The following SLC25A21 variants were observed in gnomAD, a reference collection of about 807,000 sequenced individuals.
SLC25A21 encodes solute carrier family 25 member 21, also known as mitochondrial 2-oxodicarboxylate carrier.
Under a neutral mutation model 43.8 loss-of-function variants are expected in SLC25A21, and 47 were observed. The ratio of observed to expected loss-of-function variants is 1.07; its 90% confidence interval spans 0.85 to 1.37. The LOEUF (loss-of-function observed/expected upper bound fraction) is 1.37. SLC25A21 is among the 40% of genes most tolerant of loss of function. The probability of loss-of-function intolerance (pLI) is 0.00; values close to 1 mark genes in which losing one functional copy is unlikely to be tolerated. For missense variants in SLC25A21, 352 were observed against 350.2 expected, an observed-to-expected ratio of 1.00 and a Z score of -0.04; for synonymous variants, 131 against 121.3, an observed-to-expected ratio of 1.08 and a Z score of -0.52.
chr14:36,702,794 C>T (rs933289321), intron 7 of SLC25A21, among the ~76,000 whole-genome samples: 4 of 152,128 alleles, frequency 2.6e-5, no homozygotes, highest in African/African-American at 9.7e-5. Context: ...ATAGAATAGA[C>T]CCACTGAGAA....
intron 7 of SLC25A21, among the ~76,000 whole-genome samples, chr14:36,695,518 C>T (rs532457684): frequency 1.3e-3 from 202 of 152,260 alleles, no homozygotes; most frequent in Non-Finnish European, 2.1e-3. Context: ...GCCATTTTCA[C>T]GATATTGATT....
intron 1 of SLC25A21, among the ~76,000 whole-genome samples, chr14:37,100,704 A>T (rs1271908442): frequency 6.6e-6 from 1 of 152,222 alleles, no homozygotes; most frequent in Non-Finnish European, 1.5e-5. Flanking sequence ...GGAAGGACAG[A>T]TCAGTAGAGA....
intron 1 of SLC25A21, among the ~76,000 whole-genome samples, chr14:37,120,064 A>T (rs1443072631): frequency 6.6e-6 from 1 of 152,190 alleles, no homozygotes; most frequent in African/African-American, 2.4e-5. Context: ...TTATATTAAA[A>T]TTTCACCACA....
At chr14:37,114,951 C>T in intron 1 of SLC25A21, among the ~76,000 whole-genome samples, 1 of 152,158 alleles carries the variant, frequency 6.6e-6, no homozygotes, top group East Asian at 1.9e-4. Context: ...TACCTAGACA[C>T]AGATTTAGCA....
chr14:37,009,437 G>A (rs1960682134), intron 1 of SLC25A21, among the ~76,000 whole-genome samples: 1 of 152,034 alleles, frequency 6.6e-6, no homozygotes, highest in Non-Finnish European at 1.5e-5. Context: ...AGTGAGCCGA[G>A]ATCATGCCAC....
chr14:37,035,207 G>A (rs1566831127), intron 1 of SLC25A21, among the ~76,000 whole-genome samples: 1 of 152,144 alleles, frequency 6.6e-6, no homozygotes, highest in Admixed American at 6.5e-5. Context: ...CTGAAAATAC[G>A]ATGATTCTAT....
At chr14:37,114,275 C>A (rs1389805377) in intron 1 of SLC25A21, among the ~76,000 whole-genome samples, 1 of 152,056 alleles carries the variant, frequency 6.6e-6, no homozygotes, top group Non-Finnish European at 1.5e-5. Context: ...CTATTTCTGG[C>A]AAAATGTTCA....
chr14:36,981,589 C>G (rs554290409), intron 1 of SLC25A21, among the ~76,000 whole-genome samples: 1 of 152,102 alleles, frequency 6.6e-6, no homozygotes, highest in South Asian at 2.1e-4. Context: ...ATCGCAAGGA[C>G]AGAAAACCAA....
At chr14:37,070,536 C>T (rs1566858861) in intron 1 of SLC25A21, among the ~76,000 whole-genome samples, 1 of 152,118 alleles carries the variant, frequency 6.6e-6, no homozygotes, top group Non-Finnish European at 1.5e-5. Flanking sequence ...ATAGCCCCCC[C>T]TTTTGATGCT....
At chr14:36,932,677 T>C (rs530464514) in intron 1 of SLC25A21, among the ~76,000 whole-genome samples, 1 of 152,094 alleles carries the variant, frequency 6.6e-6, no homozygotes, top group African/African-American at 2.4e-5. Flanking sequence ...CTAGGAACCA[T>C]GCCAGGCTAC....
At chr14:36,956,177 G>A (rs904240900) in intron 1 of SLC25A21, among the ~76,000 whole-genome samples, 1 of 152,136 alleles carries the variant, frequency 6.6e-6, no homozygotes, top group African/African-American at 2.4e-5. Flanking sequence ...GAGTCGCCAT[G>A]TGCATTTATG....
At chr14:36,849,522 G>A (rs1174903741) in intron 2 of SLC25A21, among the ~76,000 whole-genome samples, 8 of 152,070 alleles carry the variant, frequency 5.3e-5, no homozygotes, top group South Asian at 2.1e-4. Flanking sequence ...TTATTTTACC[G>A]AAACCCTCCT....
At chr14:36,682,580 T>G (rs1226935216) in intron 9 of SLC25A21, among the ~76,000 whole-genome samples, 1 of 152,200 alleles carries the variant, frequency 6.6e-6, no homozygotes. Context: ...CATCCCTTTC[T>G]GAGAATGTTG....
chr14:37,101,878 A>G (rs1962823253), intron 1 of SLC25A21, among the ~76,000 whole-genome samples: 1 of 152,182 alleles, frequency 6.6e-6, no homozygotes, highest in Non-Finnish European at 1.5e-5. Flanking sequence ...GATAAAGAAG[A>G]CTGTACCAGT....
At chr14:36,755,082 G>T (rs925591946) in intron 3 of SLC25A21, among the ~76,000 whole-genome samples, 8 of 152,074 alleles carry the variant, frequency 5.3e-5, no homozygotes, top group Non-Finnish European at 1.0e-4. Flanking sequence ...AAGAGGAAAA[G>T]AAAATGAAAC....
chr14:36,791,832 G>A (rs1242988508), intron 3 of SLC25A21, among the ~76,000 whole-genome samples: 2 of 152,138 alleles, frequency 1.3e-5, no homozygotes, highest in Non-Finnish European at 2.9e-5. Context: ...TCAACTTTGG[G>A]ATGATCCTTA....
chr14:36,995,553 A>C lies in SLC25A21; in HGVS notation c.71-120549T>G, dbSNP rs2022728. 2.5e-3 allele frequency among the ~76,000 whole-genome samples: 375 copies of C among 152,334 alleles called. 1 individual carries two copies. The highest frequency in any genetic ancestry group is 8.3e-3 in the African/African-American group (345 of 41,578). On this transcript the variant is annotated intron_variant, in intron 1 of 9. Transcript: ENST00000331299. ...TCATCAATCTATTAAGATTTTACAA[A>C]TCAAAGTTATTCAACACAAAGCCCA...
chr14:37,076,253 C>T (rs1200017754), intron 1 of SLC25A21, among the ~76,000 whole-genome samples: 6 of 151,812 alleles, frequency 4.0e-5, no homozygotes, highest in South Asian at 2.1e-4. Flanking sequence ...CTCCACGTTC[C>T]GGGCTCAAGT....
intron 1 of SLC25A21, among the ~76,000 whole-genome samples, chr14:36,963,153 G>A (rs1393072415): frequency 6.6e-6 from 1 of 152,000 alleles, no homozygotes; most frequent in Non-Finnish European, 1.5e-5. Context: ...TTACAAAATA[G>A]GACCCCCTTT....
Sources: gnomAD v4.1 joint callset for allele counts (sites outside exome capture counted in the v4.1 genomes callset) on GRCh38, gnomAD v4.1.1 for gene constraint, MANE v1.5 for transcripts, NCBI Gene and HGNC (gene_info 2026-07-23, HGNC 2026-07-21) for gene names.